The following TMEM132B variants were observed in gnomAD, a reference collection of about 807,000 sequenced individuals.
TMEM132B encodes the protein transmembrane protein 132B.
Under a neutral mutation model 90.8 loss-of-function variants are expected in TMEM132B, and 18 were observed. That is an observed-to-expected ratio of 0.20 (90% CI 0.14 to 0.29). TMEM132B has a LOEUF of 0.29. TMEM132B is among the 10% of genes least tolerant of loss of function. TMEM132B has a pLI of 1.00. For missense variants in TMEM132B, 1,096 were observed against 1,326.8 expected (o/e 0.83, Z 2.70); for synonymous variants, 504 against 523.3 (o/e 0.96, Z 0.50).
At chr12:125,635,962 C>T (rs182285807) in intron 5 of TMEM132B, among the ~76,000 whole-genome samples, 5 of 152,242 alleles carry the variant, frequency 3.3e-5, no homozygotes, top group African/African-American at 4.8e-5. Context: ...CTCACAATTG[C>T]GGTGCTCTCC....
intron 2 of TMEM132B, among the ~76,000 whole-genome samples, chr12:125,393,541 G>A (rs1593120430): frequency 6.6e-6 from 1 of 152,082 alleles, no homozygotes; most frequent in South Asian, 2.1e-4. Context: ...CAGATAATTG[G>A]GGGTAAAAGG....
chr12:125,234,754 C>T (rs1873895661), intron 1 of TMEM132B, among the ~76,000 whole-genome samples: 1 of 152,302 alleles, frequency 6.6e-6, no homozygotes, highest in South Asian at 2.1e-4. Flanking sequence ...CACCAGGATG[C>T]ACCTAAAATG....
At chr12:125,470,943 G>A (rs1566046131) in intron 3 of TMEM132B, among the ~76,000 whole-genome samples, 2 of 152,236 alleles carry the variant, frequency 1.3e-5, no homozygotes, top group African/African-American at 4.8e-5. Context: ...CCCTTGGCCG[G>A]CTGCACCGAA....
intron 2 of TMEM132B, among the ~76,000 whole-genome samples, chr12:125,386,234 T>G (rs957021139): frequency 2.6e-5 from 4 of 152,194 alleles, no homozygotes; most frequent in South Asian, 2.1e-4. Flanking sequence ...GTGATCTGCC[T>G]GCCTCGGTCT....
chr12:125,528,590 A>G (rs1001837899), intron 4 of TMEM132B, among the ~76,000 whole-genome samples: 1 of 152,172 alleles, frequency 6.6e-6, no homozygotes, highest in Non-Finnish European at 1.5e-5. Flanking sequence ...CTCAACTCTC[A>G]TGCTGTCATG....
At chr12:125,352,560 C>T (rs1877624835) in intron 2 of TMEM132B, among the ~76,000 whole-genome samples, 1 of 152,206 alleles carries the variant, frequency 6.6e-6, no homozygotes, top group South Asian at 2.1e-4. Context: ...AAATCTATCT[C>T]CTGGGGTGGT....
intron 2 of TMEM132B, among the ~76,000 whole-genome samples, chr12:125,362,796 CAAT>C (rs1473343821): frequency 6.6e-6 from 1 of 152,180 alleles, no homozygotes; most frequent in Non-Finnish European, 1.5e-5. Flanking sequence ...TACTGTAAAA[CAAT>C]AATCTGCAAC....
At chr12:125,485,557 T>C (rs892692785) in intron 3 of TMEM132B, among the ~76,000 whole-genome samples, 1 of 152,198 alleles carries the variant, frequency 6.6e-6, no homozygotes, top group Non-Finnish European at 1.5e-5. Flanking sequence ...TTATGCCAAG[T>C]CCAGGACTTG....
At chr12:125,378,598 G>A (rs1404835671) in intron 2 of TMEM132B, among the ~76,000 whole-genome samples, 2 of 152,144 alleles carry the variant, frequency 1.3e-5, no homozygotes, top group African/African-American at 2.4e-5. Context: ...AAATAGACAT[G>A]CACAGCTGGA....
chr12:125,397,812 C>T (rs1233628546), intron 2 of TMEM132B, among the ~76,000 whole-genome samples: 4 of 152,142 alleles, frequency 2.6e-5, no homozygotes, highest in Non-Finnish European at 5.9e-5. Flanking sequence ...ATGCTTGGAG[C>T]TATGAAAAGA....
chr12:125,633,198 T>G (rs1886406496), intron 5 of TMEM132B, among the ~76,000 whole-genome samples: 1 of 152,248 alleles, frequency 6.6e-6, no homozygotes, highest in Non-Finnish European at 1.5e-5. Flanking sequence ...CTTGTTCAAT[T>G]CTGCTAGTAA....
chr12:125,353,643 G>A (rs1196933638), intron 2 of TMEM132B, among the ~76,000 whole-genome samples: 1 of 152,198 alleles, frequency 6.6e-6, no homozygotes, highest in East Asian at 1.9e-4. Flanking sequence ...GCACAGAGAA[G>A]TCAAGTAGTG....
At chr12:125,529,288 G>A (rs12371696) in intron 4 of TMEM132B, among the ~76,000 whole-genome samples, 27,157 of 152,024 alleles carry the variant, frequency 0.18, 3,026 homozygotes, top group Non-Finnish European at 0.26. Flanking sequence ...GTAGAGATGA[G>A]GTCTCACCAT....
chr12:125,403,475 T>C (rs1240556651), intron 2 of TMEM132B, among the ~76,000 whole-genome samples: 1 of 152,246 alleles, frequency 6.6e-6, no homozygotes, highest in Non-Finnish European at 1.5e-5. Flanking sequence ...ATCTTTTCCA[T>C]GTAGTTTTAG....
At chr12:125,487,457 A>G (rs1459279504) in intron 3 of TMEM132B, among the ~76,000 whole-genome samples, 2 of 152,238 alleles carry the variant, frequency 1.3e-5, no homozygotes, top group Non-Finnish European at 2.9e-5. Flanking sequence ...TTTCTGAGCC[A>G]CATCCAAGTA....
At chr12:125,402,285 G>A (rs1007075734) in intron 2 of TMEM132B, among the ~76,000 whole-genome samples, 1 of 152,196 alleles carries the variant, frequency 6.6e-6, no homozygotes, top group African/African-American at 2.4e-5. Flanking sequence ...CACCACCCGG[G>A]TTCAAGCAAT....
chr12:125,553,755 T>C (rs1884299812), intron 4 of TMEM132B, among the ~76,000 whole-genome samples: 1 of 152,258 alleles, frequency 6.6e-6, no homozygotes, highest in Non-Finnish European at 1.5e-5. Flanking sequence ...AGCTTTCTAA[T>C]TTGCTAATCT....
intron 6 of TMEM132B, among the ~76,000 whole-genome samples, chr12:125,647,347 CAT>C: frequency 6.6e-6 from 1 of 152,296 alleles, no homozygotes; most frequent in Admixed American, 6.5e-5. Flanking sequence ...GACATAAACA[CAT>C]AGTTTCAAAA....
chr12:125,257,551 T>C (rs538328112), intron 1 of TMEM132B, among the ~76,000 whole-genome samples: 1 of 152,294 alleles, frequency 6.6e-6, no homozygotes, highest in South Asian at 2.1e-4. Flanking sequence ...CCTCCTGTCT[T>C]GGATGGTGTG....
Sources: allele counts gnomAD v4.1 joint callset (sites outside exome capture counted in the v4.1 genomes callset), GRCh38; gene constraint gnomAD v4.1.1; transcripts MANE v1.5; gene names NCBI Gene and HGNC (gene_info 2026-07-23, HGNC 2026-07-21).